Variants in NUP153 observed in about 807,000 individuals in gnomAD.
The protein encoded by NUP153 is nucleoporin 153, also known as nuclear pore complex protein Nup153.
In NUP153, 27 loss-of-function variants were observed where a neutral mutation model predicts 134.6. That is an observed-to-expected ratio of 0.20 (90% CI 0.15 to 0.28). The LOEUF (loss-of-function observed/expected upper bound fraction) is 0.28, where lower values mean the gene tolerates loss of function less well. Ranked by LOEUF, NUP153 falls within the 10% of genes least tolerant of loss-of-function variation. The pLI is 1.00. For synonymous variants in NUP153, 640 were observed against 623.5 expected (o/e 1.03, Z -0.40); for missense variants, 1,821 against 1,731.3 (o/e 1.05, Z -0.92).
At chr6:17,618,848 G>C (rs1322383129) in intron 20 of NUP153, among the ~76,000 whole-genome samples, 1 of 152,214 alleles carries the variant, frequency 6.6e-6, no homozygotes, top group Non-Finnish European at 1.5e-5. Context: ...TTACAGGCGT[G>C]AGCCACTGCG....
At chr6:17,619,998 T>C (rs1182876555) in intron 20 of NUP153, among the ~76,000 whole-genome samples, 5 of 148,380 alleles carry the variant, frequency 3.4e-5, no homozygotes, top group Non-Finnish European at 7.4e-5. Flanking sequence ...CCCAGGAAGC[T>C]GAGGCAGGAG....
rs958697320 is a variant in NUP153, at chr6:17,700,979, C to T, written c.111+5298G>A. 3.3e-5 allele frequency among the ~76,000 whole-genome samples: 5 copies of T among 151,888 alleles called. No individual in the cohort carries two copies. In the South Asian group the frequency reaches 6.2e-4, roughly 19 times the overall value. On this transcript the variant is annotated intron_variant, in intron 1 of 21. Transcript: ENST00000262077. ...TCATGCCTGTAATCCCAGCACTTCGCGGGAGGCCAAGGCAGGTGGATGGAT... is the reference window on the plus strand; with the variant it reads ...TCATGCCTGTAATCCCAGCACTTCGTGGGAGGCCAAGGCAGGTGGATGGAT...
At position 17,637,206 on chromosome 6, in the gene NUP153, A is replaced by G. The variant is rs1765591574; in HGVS notation, c.2411T>C (p.Val804Ala). ...CTTATTGTCTTCTGCATTATTAGAA[A>G]CACAGCATACTGAACACTCCCAAGA... ...IGSWECSVCCVSNNAEDNKCV... is the reference protein window; with the variant it reads ...IGSWECSVCCASNNAEDNKCV... The change falls in exon 16 of 22, where the codon GTT becomes GCT. Residue 804 changes from valine (V) to alanine (A), a missense_variant. Physicochemically the swap from Val to Ala is moderately conservative, Grantham distance 64 (BLOSUM62 0). Coordinates refer to ENST00000262077, the MANE Select transcript of NUP153 (RefSeq NM_005124.4). 1 of 1,614,172 alleles carries G rather than the reference A, an allele frequency of 6.2e-7. No individual in the cohort carries two copies. The highest frequency in any genetic ancestry group is 8.5e-7 in the Non-Finnish European group (1 of 1,180,004).
intron 2 of NUP153, among the ~76,000 whole-genome samples, chr6:17,684,405 C>T (rs1768790315): frequency 6.6e-6 from 1 of 152,192 alleles, no homozygotes; most frequent in African/African-American, 2.4e-5. Context: ...TTTTCTCCTG[C>T]AGCTTTATCA....
At chr6:17,679,792 A>G (rs773313577) in intron 2 of NUP153, among the ~76,000 whole-genome samples, 1 of 152,222 alleles carries the variant, frequency 6.6e-6, no homozygotes, top group Non-Finnish European at 1.5e-5. Flanking sequence ...GAAAACAGCC[A>G]TTCTTCGGTG....
chr6:17,700,289 G>A (rs939194122), intron 1 of NUP153, among the ~76,000 whole-genome samples: 10 of 152,046 alleles, frequency 6.6e-5, no homozygotes, highest in Non-Finnish European at 1.0e-4. Flanking sequence ...ATATACATAT[G>A]CCAGGTCCTG....
At chr6:17,624,223 G>A (rs547380572) in intron 20 of NUP153, among the ~76,000 whole-genome samples, 2 of 152,172 alleles carry the variant, frequency 1.3e-5, no homozygotes, top group Admixed American at 6.6e-5. Flanking sequence ...ACTTCCTAAC[G>A]CAAATCCAAT....
intron 2 of NUP153, among the ~76,000 whole-genome samples, chr6:17,678,352 CAAAAAAAAAAAA>C (rs11428582): frequency 2.9e-5 from 2 of 68,238 alleles, no homozygotes; most frequent in African/African-American, 6.4e-5. Flanking sequence ...CCCTCTGTCT[CAAAAAAAAAAAA>C]AAAAAAAAAA....
At chr6:17,665,984 T>C (rs1476962583) in intron 8 of NUP153, among the ~76,000 whole-genome samples, 3 of 149,604 alleles carry the variant, frequency 2.0e-5, no homozygotes, top group Non-Finnish European at 4.4e-5. Context: ...GCAACTCACC[T>C]GGCTTTTTTT....
intron 11 of NUP153, among the ~76,000 whole-genome samples, chr6:17,656,967 C>A (rs961118964): frequency 4.6e-5 from 7 of 152,266 alleles, no homozygotes; most frequent in African/African-American, 1.4e-4. Flanking sequence ...GTTTTGTTAT[C>A]TTGCAAGTGG....
chr6:17,674,797 T>TA, intron 5 of NUP153, 108 bp downstream of exon 5: 1 of 976,110 alleles, frequency 1.0e-6, no homozygotes, highest in Non-Finnish European at 1.4e-6. Context: ...AAAAGAAAAA[T>TA]AAAAAATAAA....
intron 8 of NUP153, 111 bp from the exon 9 acceptor site, chr6:17,665,496 A>C: frequency 1.3e-6 from 1 of 790,198 alleles, no homozygotes; most frequent in Non-Finnish European, 2.0e-6. Flanking sequence ...TTTCCCAGAG[A>C]AATATACAGT....
At position 17,637,761 on chromosome 6, in the gene NUP153, G is replaced by C. The variant is rs765173261; in HGVS notation, c.1856C>G (p.Ser619Trp). Residue 619 changes from serine to tryptophan, a missense_variant, in exon 16 of 22, where the codon TCG becomes TGG. Transcript: ENST00000262077. ...AGCAGCAACAGAATCTATCTTCGGC[G>C]ATGCGAAACCTACAATGAACGAAGG... The part of the protein sequence containing the change: ...LDILKSPGFA[S>W]PKIDSVAAQP... 5.6e-6 allele frequency: 9 copies of C among 1,596,562 alleles called. No homozygotes were observed. Among genetic ancestry groups the C allele is most frequent in the Non-Finnish European group, 7.6e-6 (9 of 1,176,684 alleles).
chr6:17,672,637 TA>T (rs1196780886), intron 5 of NUP153, among the ~76,000 whole-genome samples: 2 of 152,048 alleles, frequency 1.3e-5, no homozygotes, highest in African/African-American at 4.8e-5. Flanking sequence ...ACAGTCTTTT[TA>T]ACAAATAACA....
chr6:17,691,539 T>A (rs191631628), intron 1 of NUP153, among the ~76,000 whole-genome samples: 1 of 152,110 alleles, frequency 6.6e-6, no homozygotes, highest in South Asian at 2.1e-4. Context: ...CCGAGTCTGG[T>A]GGATCACTTG....
Position 17,615,907 on chromosome 6 carries a change from T to C in NUP153, c.*190A>G, listed in dbSNP as rs552857757. 2 of 520,714 alleles carry C rather than the reference T, an allele frequency of 3.8e-6. No individual in the cohort carries two copies. The highest frequency in any genetic ancestry group is 6.2e-5 in the East Asian group (2 of 32,428). The allele number at this position is 520,714 out of a possible 1,614,324, so 32.3% of individuals were successfully genotyped here. A position where few individuals can be genotyped will look rare whatever the true frequency, so the allele number is the denominator to read the frequency against. On this transcript the variant is annotated 3_prime_UTR_variant, in exon 22 of 22. Transcript: ENST00000262077. This position sits in a 1 kb window ranked among gnomAD's most constrained non-coding sequence, Gnocchi z 5.7. ...AGAATCAGTCACCAGTCTAGCTATT[T>C]ATTTATTTAAAAAAGGGTGGGTGAG...
At chr6:17,661,393 A>G (rs1272988529) in intron 11 of NUP153, among the ~76,000 whole-genome samples, 2 of 152,234 alleles carry the variant, frequency 1.3e-5, no homozygotes, top group African/African-American at 2.4e-5. Flanking sequence ...AAAACTATAC[A>G]GTAATACCAA....
chr6:17,661,509 C>A, intron 11 of NUP153, 144 bp downstream of exon 11: 1 of 666,090 alleles, frequency 1.5e-6, no homozygotes, highest in Non-Finnish European at 2.3e-6. Context: ...AGGTTTTCAG[C>A]ATGCATTTTG....
At position 17,637,904 on chromosome 6, in the gene NUP153, T is replaced by C. The variant is rs914418726; in HGVS notation, c.1847-134A>G. On this transcript the variant is annotated intron_variant, in intron 15 of 21. Transcript: ENST00000262077. Reference sequence around the variant, plus strand: ...AATCCAAGATGAACTACTTAAGAATTGTTTTTCACTTAAGTAATCATATTT... The same window carrying C: ...AATCCAAGATGAACTACTTAAGAATCGTTTTTCACTTAAGTAATCATATTT... 9 of 954,058 alleles carry C rather than the reference T, an allele frequency of 9.4e-6. No homozygotes were observed. The African/African-American group carries it at 1.5e-4, about 16-fold the overall frequency. The allele number at this position is 954,058 out of a possible 1,614,324, so 59.1% of individuals were successfully genotyped here.
Sources: gnomAD v4.1 joint callset for allele counts (sites outside exome capture counted in the v4.1 genomes callset) on GRCh38, gnomAD v4.1.1 for gene constraint, Gnocchi (gnomAD v3.1) non-coding constraint, MANE v1.5 for transcripts, NCBI Gene and HGNC (gene_info 2026-07-23, HGNC 2026-07-21) for gene names.